NAA15: variants seen among roughly 807,000 people sequenced by gnomAD.
NAA15 encodes the protein N-terminal acetyltransferase.
NAA15 carries 34 observed loss-of-function variants against 114.0 expected under a neutral mutation model. The observed-to-expected ratio is 0.30, with a 90% CI of 0.23 to 0.40. The LOEUF is 0.40. Among genes scored for constraint, NAA15 ranks in the 10% least tolerant of loss-of-function variants. The probability of loss-of-function intolerance (pLI) is 1.00; values close to 1 mark genes in which losing one functional copy is unlikely to be tolerated. For synonymous variants in NAA15, 340 were observed against 338.0 expected, an observed-to-expected ratio of 1.01 and a Z score of -0.06; for missense variants, 658 against 1,004.5, an observed-to-expected ratio of 0.66 and a Z score of 4.66.
At chr4:139,377,450 A>G (rs961336139) in intron 16 of NAA15, among the ~76,000 whole-genome samples, 13 of 152,208 alleles carry the variant, frequency 8.5e-5, no homozygotes, top group African/African-American at 2.4e-4. Flanking sequence ...AGGCAGGAGA[A>G]TCGCTTGAAC....
intron 1 of NAA15, among the ~76,000 whole-genome samples, chr4:139,332,156 A>T (rs1307011876): frequency 6.6e-6 from 1 of 152,082 alleles, no homozygotes; most frequent in African/African-American, 2.4e-5. Context: ...TTTGAGATAC[A>T]GTCTCACACT....
Position 139,362,375 on chromosome 4 carries a change from G to A in NAA15, c.1753+438G>A, listed in dbSNP as rs887395061. Among the ~76,000 whole-genome samples the A allele has an allele frequency of 2.6e-5, 4 of 152,156 alleles. No homozygotes were observed. The East Asian group carries it at 7.7e-4, about 29-fold the overall frequency. On this transcript the variant is annotated intron_variant, in intron 14 of 19. Transcript: ENST00000296543. ...GATCACTGCAACCTCCCAGGTTCAA[G>A]CGATTCTCCTGCCGCAGCCTTCTGA...
intron 8 of NAA15, 97 bp downstream of exon 8, chr4:139,351,383 A>G: frequency 9.5e-7 from 1 of 1,054,768 alleles, no homozygotes; most frequent in Non-Finnish European, 1.4e-6. Flanking sequence ...AGTTTAAGCT[A>G]TACATTGTTA....
intron 4 of NAA15, among the ~76,000 whole-genome samples, chr4:139,341,713 A>C (rs1287583853): frequency 6.7e-6 from 1 of 148,602 alleles, no homozygotes; most frequent in African/African-American, 2.5e-5. Context: ...AAAGCAAAAC[A>C]AAAAAAAAAT....
At chr4:139,312,795 A>G (rs1282513233) in intron 1 of NAA15, among the ~76,000 whole-genome samples, 2 of 151,664 alleles carry the variant, frequency 1.3e-5, no homozygotes, top group Non-Finnish European at 2.9e-5. Flanking sequence ...GCAGTGAGCT[A>G]TCATCATGCC....
intron 15 of NAA15, among the ~76,000 whole-genome samples, chr4:139,371,395 C>CAGT (rs1748433014): frequency 6.6e-6 from 1 of 150,956 alleles, no homozygotes; most frequent in Non-Finnish European, 1.5e-5. Flanking sequence ...TTCAAGGCTG[C>CAGT]AGTACACTGT....
At chr4:139,322,563 A>C (rs969362776) in intron 1 of NAA15, among the ~76,000 whole-genome samples, 2 of 152,206 alleles carry the variant, frequency 1.3e-5, no homozygotes, top group African/African-American at 4.8e-5. Flanking sequence ...TTGGAATTCA[A>C]ATGTCTGCCA....
intron 1 of NAA15, among the ~76,000 whole-genome samples, chr4:139,309,523 G>A (rs996234527): frequency 6.6e-6 from 1 of 151,474 alleles, no homozygotes; most frequent in African/African-American, 2.4e-5. Context: ...TGATCCTCCT[G>A]CTTCAGCCTG....
At position 139,359,934 on chromosome 4, in the gene NAA15, A is replaced by G. The variant is rs768165990; in HGVS notation, c.1410+39A>G. The G allele has an allele frequency of 2.0e-6, 3 of 1,522,130 alleles. No individual in the cohort carries two copies. In the South Asian group the frequency reaches 3.9e-5, roughly 20 times the overall value. The allele number at this position is 1,522,130 out of a possible 1,614,324, so 94.3% of individuals were successfully genotyped here. A position where few individuals can be genotyped will look rare whatever the true frequency, so the allele number is the denominator to read the frequency against. ...GTGTTCTTAATTATGAATAAAGAAGACATGAGCCAGTTCATACTTGTATAA... is the reference window on the plus strand; with the variant it reads ...GTGTTCTTAATTATGAATAAAGAAGGCATGAGCCAGTTCATACTTGTATAA... On this transcript the variant is annotated intron_variant, in intron 12 of 19. Transcript: ENST00000296543.
rs985369205 is a variant in NAA15 at position 139,388,944 on chromosome 4, C to T, written c.*860C>T. ...CAAGAGTGAAAAAAGGAAAATCTAC[C>T]ATGGCTTGAAGTTAAAGAGCAGAAC... On this transcript the variant is annotated 3_prime_UTR_variant, in exon 20 of 20. Coordinates refer to ENST00000296543, the MANE Select transcript of NAA15 (RefSeq NM_057175.5). 6.6e-6 allele frequency: 1 copy of T among 152,474 alleles called. No homozygotes were observed. The highest frequency in any genetic ancestry group is 6.6e-5 in the Admixed American group (1 of 15,258). 9.4% of individuals were successfully genotyped at this position (152,474 alleles called of 1,614,324 possible).
intron 14 of NAA15, among the ~76,000 whole-genome samples, chr4:139,366,331 T>C (rs1748283401): frequency 6.6e-6 from 1 of 152,182 alleles, no homozygotes; most frequent in African/African-American, 2.4e-5. Flanking sequence ...GCTGTTGGCA[T>C]GAGACCTTAG....
At chr4:139,368,071 G>A (rs1748333393) in intron 14 of NAA15, among the ~76,000 whole-genome samples, 1 of 152,156 alleles carries the variant, frequency 6.6e-6, no homozygotes, top group African/African-American at 2.4e-5. Context: ...TGGCTCCAAA[G>A]TTATTCCCAC....
rs903131165 is a variant in NAA15, at chr4:139,390,362, G to C, written c.*2278G>C. 3 of 152,618 alleles carry C rather than the reference G, an allele frequency of 2.0e-5. No individual in the cohort carries two copies. Among genetic ancestry groups the C allele is most frequent in the African/African-American group, 4.8e-5 (2 of 41,454 alleles). 9.5% of individuals were successfully genotyped at this position (152,618 alleles called of 1,614,324 possible). A position where few individuals can be genotyped will look rare whatever the true frequency, so the allele number is the denominator to read the frequency against. ...CTTGACTGGGTTCATTTTATGTCCA[G>C]ACATCACCCCTGAAACACTGTACTG... is the stretch of plus-strand genomic sequence containing the variant. On this transcript the variant is annotated 3_prime_UTR_variant, in exon 20 of 20. Coordinates refer to ENST00000296543, the MANE Select transcript of NAA15 (RefSeq NM_057175.5).
intron 2 of NAA15, among the ~76,000 whole-genome samples, chr4:139,335,756 AT>A (rs1269477914): frequency 6.7e-6 from 1 of 150,000 alleles, no homozygotes; most frequent in East Asian, 2.0e-4. Flanking sequence ...TCATAATTTC[AT>A]TGAAAGTTTT....
chr4:139,333,081 T>C (rs1025875887), intron 1 of NAA15, among the ~76,000 whole-genome samples: 1 of 152,202 alleles, frequency 6.6e-6, no homozygotes, highest in African/African-American at 2.4e-5. Flanking sequence ...ATGTAAATAC[T>C]GTGTAAATAG....
intron 6 of NAA15, among the ~76,000 whole-genome samples, chr4:139,346,740 T>C (rs1162562580): frequency 6.6e-6 from 1 of 152,112 alleles, no homozygotes; most frequent in African/African-American, 2.4e-5. Context: ...GACATAGGCT[T>C]TCTCCATATT....
intron 14 of NAA15, among the ~76,000 whole-genome samples, chr4:139,366,572 G>C (rs1464743258): frequency 1.3e-5 from 2 of 150,734 alleles, no homozygotes; most frequent in African/African-American, 4.9e-5. Context: ...TCTGCATTTT[G>C]GTTACAAATT....
intron 10 of NAA15, 63 bp from the exon 11 acceptor site, chr4:139,357,323 T>C: frequency 6.9e-7 from 1 of 1,440,050 alleles, no homozygotes; most frequent in Non-Finnish European, 9.7e-7. Flanking sequence ...TAGGGACCAT[T>C]TTGGGGGGTG....
rs1447156141 is a variant in NAA15, at chr4:139,378,925, C to T, written c.2155+71C>T. Reference sequence around the variant, plus strand: ...ATGGTGACGGTATAAGTGGTCTGTACAAGTTTATCATAAACCAAATGATTT... The same window carrying T: ...ATGGTGACGGTATAAGTGGTCTGTATAAGTTTATCATAAACCAAATGATTT... On this transcript the variant is annotated intron_variant, in intron 17 of 19. Coordinates refer to ENST00000296543, the MANE Select transcript of NAA15 (RefSeq NM_057175.5). 5.4e-6 allele frequency: 5 copies of T among 924,232 alleles called. No individual in the cohort carries two copies. The African/African-American group carries it at 8.8e-5, about 16-fold the overall frequency. 57.3% of individuals were successfully genotyped at this position (924,232 alleles called of 1,614,324 possible). A position where few individuals can be genotyped will look rare whatever the true frequency, so the allele number is the denominator to read the frequency against.
Sources: allele counts gnomAD v4.1 joint callset (sites outside exome capture counted in the v4.1 genomes callset), GRCh38; gene constraint gnomAD v4.1.1; transcripts MANE v1.5; gene names NCBI Gene and HGNC (gene_info 2026-07-23, HGNC 2026-07-21).